Variants in TMEM40 observed in about 807,000 individuals in gnomAD.
The protein encoded by TMEM40 is transmembrane protein 40.
TMEM40 carries 34 observed loss-of-function variants against 40.8 expected under a neutral mutation model. The observed-to-expected ratio is 0.83, with a 90% CI of 0.63 to 1.11. The LOEUF (loss-of-function observed/expected upper bound fraction) is 1.11. TMEM40 is among the 50% of genes least tolerant of loss of function. TMEM40 has a pLI of 0.00. For missense variants in TMEM40, 296 were observed against 280.2 expected, an observed-to-expected ratio of 1.06 and a Z score of -0.40; for synonymous variants, 106 against 107.0, an observed-to-expected ratio of 0.99 and a Z score of 0.06.
chr3:12,735,833 A>T (rs764003159), intron 10 of TMEM40, among the ~76,000 whole-genome samples: 9 of 152,212 alleles, frequency 5.9e-5, no homozygotes, highest in Non-Finnish European at 1.5e-5. Context: ...CACCAAATTC[A>T]GTTCCCAACT....
intron 1 of TMEM40, among the ~76,000 whole-genome samples, chr3:12,754,307 G>A (rs185731481): frequency 3.5e-4 from 50 of 144,824 alleles, no homozygotes; most frequent in African/African-American, 1.1e-3. Context: ...GCACGATTCC[G>A]TCTCAAAACA....
At chr3:12,738,483 G>T in intron 6 of TMEM40, 70 bp downstream of exon 6, 1 of 1,542,776 alleles carries the variant, frequency 6.5e-7, no homozygotes. Flanking sequence ...GCTCTCTTGG[G>T]GGAGAGGTGA....
chr3:12,738,643 A>G (rs2106607062), intron 5 of TMEM40, 55 bp from the exon 6 acceptor site: 2 of 1,588,128 alleles, frequency 1.3e-6, no homozygotes, highest in Non-Finnish European at 1.7e-6. Flanking sequence ...GGGGGGGAGA[A>G]GTCATGCTTC....
Position 12,738,551 on chromosome 3 carries a change from A to G in TMEM40, c.391+2T>C. 2 of 1,613,954 alleles carry G rather than the reference A, an allele frequency of 1.2e-6. No homozygotes were observed. Among genetic ancestry groups the G allele is most frequent in the African/African-American group, 1.3e-5 (1 of 75,000 alleles). On this transcript the variant is annotated splice_donor_variant, in intron 6 of 11. Transcript: ENST00000314124. LOFTEE classifies it high-confidence loss of function. ...ACCTCTCTCCTCTAACTGGACACTC[A>G]CCTGATTCCCCAGAGGGTACCACCT...
chr3:12,744,398 G>A (rs1220305631), intron 3 of TMEM40, among the ~76,000 whole-genome samples: 3 of 152,060 alleles, frequency 2.0e-5, no homozygotes, highest in African/African-American at 7.3e-5. Flanking sequence ...TATCCTTCCT[G>A]TTTGTCTGTG....
chr3:12,738,741 A>C lies in TMEM40; in HGVS notation c.356-153T>G, dbSNP rs2061358340. Reference sequence around the variant, plus strand: ...GAGCCGGCTGGAGGGTTCCTGTTCCAACTAAAGGGGCAGCCACCACCCACC... The same window carrying C: ...GAGCCGGCTGGAGGGTTCCTGTTCCCACTAAAGGGGCAGCCACCACCCACC... On this transcript the variant is annotated intron_variant, in intron 5 of 11. Coordinates refer to ENST00000314124, the MANE Select transcript of TMEM40 (RefSeq NM_018306.4). 3 of 713,924 alleles carry C rather than the reference A, an allele frequency of 4.2e-6. No individual in the cohort carries two copies. The Admixed American group carries it at 6.6e-5, about 16-fold the overall frequency. 44.2% of individuals were successfully genotyped at this position (713,924 alleles called of 1,614,324 possible). A position where few individuals can be genotyped will look rare whatever the true frequency, so the allele number is the denominator to read the frequency against.
At chr3:12,756,150 A>G (rs1383161015) in intron 1 of TMEM40, among the ~76,000 whole-genome samples, 1 of 152,186 alleles carries the variant, frequency 6.6e-6, no homozygotes, top group African/African-American at 2.4e-5. Flanking sequence ...AATAATAACG[A>G]GAAACAAATA....
chr3:12,751,867 T>C (rs2061480140), intron 1 of TMEM40, among the ~76,000 whole-genome samples: 2 of 152,122 alleles, frequency 1.3e-5, no homozygotes, highest in African/African-American at 4.8e-5. Context: ...GACCGAAGTT[T>C]ACAAAGTGAT....
chr3:12,765,984 G>A (rs1004904032), intron 1 of TMEM40, among the ~76,000 whole-genome samples: 1 of 152,038 alleles, frequency 6.6e-6, no homozygotes, highest in Non-Finnish European at 1.5e-5. Flanking sequence ...AGACTACTGA[G>A]TAGCTGGGAT....
At chr3:12,739,785 T>G (rs541192810) in intron 5 of TMEM40, among the ~76,000 whole-genome samples, 4 of 151,988 alleles carry the variant, frequency 2.6e-5, no homozygotes, top group African/African-American at 9.7e-5. Context: ...AAATGTGGTA[T>G]AGAATTGATG....
intron 2 of TMEM40, 101 bp from the exon 3 acceptor site, chr3:12,748,893 G>T: frequency 9.8e-7 from 1 of 1,025,530 alleles, no homozygotes; most frequent in Non-Finnish European, 1.4e-6. Flanking sequence ...TGGAGAGCCA[G>T]GAAGGACTGG....
chr3:12,738,929 C>T (rs1046540002), intron 5 of TMEM40: 30 of 276,536 alleles, frequency 1.1e-4, no homozygotes, highest in African/African-American at 2.6e-4. Flanking sequence ...CCAAGGTGGG[C>T]GGATCACGAG....
intron 1 of TMEM40, among the ~76,000 whole-genome samples, chr3:12,752,557 G>A (rs557076039): frequency 5.1e-4 from 78 of 152,216 alleles, no homozygotes; most frequent in African/African-American, 1.7e-3. Context: ...CCAGGACTTT[G>A]GGAGGCTGAG....
At chr3:12,757,722 G>C (rs1420070681) in intron 1 of TMEM40, among the ~76,000 whole-genome samples, 1 of 152,158 alleles carries the variant, frequency 6.6e-6, no homozygotes, top group African/African-American at 2.4e-5. Flanking sequence ...ACATGACCCA[G>C]CAATTCCAAT....
At chr3:12,763,578 A>G (rs913128497), upstream of TMEM40, among the ~76,000 whole-genome samples, 2 of 152,156 alleles carry the variant, frequency 1.3e-5, no homozygotes, top group African/African-American at 4.8e-5. Context: ...GAATTCCAGA[A>G]CTGCAAGCGG....
chr3:12,736,881 C>G (rs762421788), intron 8 of TMEM40, 46 bp from the exon 9 acceptor site: 1 of 1,612,840 alleles, frequency 6.2e-7, no homozygotes, highest in East Asian at 2.2e-5. Context: ...CTTTCTCTCT[C>G]TTTTTTTGGG....
chr3:12,741,060 T>A (rs1020103505), intron 5 of TMEM40, among the ~76,000 whole-genome samples: 1 of 152,216 alleles, frequency 6.6e-6, no homozygotes, highest in Non-Finnish European at 1.5e-5. Context: ...GCTCATGCCA[T>A]CTTGCTGGCT....
chr3:12,755,213 T>TTCTTTCTTTCTCTCTCTCTC (rs1553634015), intron 1 of TMEM40, among the ~76,000 whole-genome samples: 6 of 94,320 alleles, frequency 6.4e-5, no homozygotes, highest in African/African-American at 2.6e-4. Context: ...CTTTCTTTCT[T>TTCTTTCTTTCTCTCTCTCTC]TCTCTCTCTC....
chr3:12,744,314 G>C (rs1478285008), intron 3 of TMEM40, among the ~76,000 whole-genome samples: 3 of 152,114 alleles, frequency 2.0e-5, no homozygotes, highest in African/African-American at 7.2e-5. Context: ...CCAAGTGCAG[G>C]GGCTGTGTCA....
Sources: gnomAD v4.1 joint callset for allele counts (sites outside exome capture counted in the v4.1 genomes callset) on GRCh38, gnomAD v4.1.1 for gene constraint, MANE v1.5 for transcripts, NCBI Gene and HGNC (gene_info 2026-07-23, HGNC 2026-07-21) for gene names.